The following FGD3 variants were observed in gnomAD, a reference collection of about 807,000 sequenced individuals.
The protein encoded by FGD3 is FYVE, RhoGEF and PH domain containing 3, also known as FYVE, RhoGEF and PH domain-containing protein 3.
Under a neutral mutation model 71.8 loss-of-function variants are expected in FGD3, and 45 were observed. The observed-to-expected ratio is 0.63, with a 90% confidence interval of 0.49 to 0.80. The LOEUF (loss-of-function observed/expected upper bound fraction) is 0.80. Among genes scored for constraint, FGD3 ranks in the 30% least tolerant of loss-of-function variants. The pLI is 0.00. For missense variants in FGD3, 844 were observed against 951.5 expected, an observed-to-expected ratio of 0.89 and a Z score of 1.49; for synonymous variants, 378 against 392.8, an observed-to-expected ratio of 0.96 and a Z score of 0.44.
In FGD3 at chr9:92,962,959, A is replaced by AAAG. The variant is rs1554728081; in HGVS notation, c.-217-12276_-217-12274dup. The stretch of plus-strand genomic sequence containing the variant: ...CGTCTCAAAAAAAAAAAAAAAAAGA[A>AAAG]AAGAAAAGATTAAGTTCAGCAATAT... On this transcript the variant is annotated intron_variant, in intron 1 of 17. Coordinates refer to ENST00000375482, the MANE Select transcript of FGD3 (RefSeq NM_001083536.2). Among the ~76,000 whole-genome samples, 3 of 151,642 alleles carry AAAG rather than the reference A, an allele frequency of 2.0e-5. No individual in the cohort carries two copies. The East Asian group carries it at 5.9e-4, about 30-fold the overall frequency.
At chr9:92,963,770 T>G (rs1243127443) in intron 1 of FGD3, among the ~76,000 whole-genome samples, 2 of 152,228 alleles carry the variant, frequency 1.3e-5, no homozygotes, top group African/African-American at 4.8e-5. Context: ...GGGCAGGTGC[T>G]GGGCCTGCTG....
At chr9:93,022,259 TC>T (rs538743969) in intron 13 of FGD3, 67 bp from the exon 14 acceptor site, 13 of 1,491,032 alleles carry the variant, frequency 8.7e-6, no homozygotes, top group Middle Eastern at 1.8e-4. Context: ...TCAGGAACTG[TC>T]CCCCCGCTGC....
intron 1 of FGD3, among the ~76,000 whole-genome samples, chr9:92,951,378 C>T (rs557562134): frequency 3.0e-4 from 46 of 152,230 alleles, no homozygotes; most frequent in African/African-American, 1.1e-3. Context: ...TTGTAACTTC[C>T]TAAAATAAAG....
intron 6 of FGD3, among the ~76,000 whole-genome samples, chr9:93,008,866 G>A (rs570910056): frequency 6.6e-6 from 1 of 151,862 alleles, no homozygotes; most frequent in Non-Finnish European, 1.5e-5. Flanking sequence ...TACTTGGGAG[G>A]CTGAGACAGA....
chr9:92,959,646 A>G (rs933466719), intron 1 of FGD3, among the ~76,000 whole-genome samples: 1 of 149,916 alleles, frequency 6.7e-6, no homozygotes, highest in Non-Finnish European at 1.5e-5. Context: ...GGTCGAGGCT[A>G]CAGTGAGTCA....
At chr9:93,015,080 G>A (rs1356283877) in intron 9 of FGD3, among the ~76,000 whole-genome samples, 4 of 151,816 alleles carry the variant, frequency 2.6e-5, no homozygotes, top group Non-Finnish European at 5.9e-5. Context: ...TCAATGCCAT[G>A]AGATGAGTCT....
At chr9:93,002,294 CAGG>C (rs1456264431) in intron 3 of FGD3, among the ~76,000 whole-genome samples, 1 of 152,122 alleles carries the variant, frequency 6.6e-6, no homozygotes, top group African/African-American at 2.4e-5. Flanking sequence ...ATGTCAAAAA[CAGG>C]AGGAGGCCAG....
intron 1 of FGD3, among the ~76,000 whole-genome samples, chr9:92,955,378 A>C (rs1485396435): frequency 6.6e-6 from 1 of 152,080 alleles, no homozygotes; most frequent in African/African-American, 2.4e-5. Context: ...CTACTAAAAA[A>C]ATACAAAATT....
chr9:93,012,510 C>T (rs1024475032), intron 8 of FGD3, among the ~76,000 whole-genome samples: 4 of 152,142 alleles, frequency 2.6e-5, no homozygotes, highest in Admixed American at 2.0e-4. Context: ...CAAGGCCAGG[C>T]GTGGTGGCTC....
intron 1 of FGD3, among the ~76,000 whole-genome samples, chr9:92,968,839 T>C (rs1049010935): frequency 3.3e-5 from 5 of 152,104 alleles, no homozygotes; most frequent in Admixed American, 1.3e-4. Context: ...TGACCTCAGG[T>C]GGAGGTCTGC....
intron 3 of FGD3, among the ~76,000 whole-genome samples, chr9:92,987,159 G>T (rs115742214): frequency 0.035 from 5,280 of 152,234 alleles, 257 homozygotes; most frequent in African/African-American, 0.11. Context: ...GAGGCTGTGT[G>T]CAGTGGCTCA....
intron 3 of FGD3, among the ~76,000 whole-genome samples, chr9:92,982,138 T>C (rs1325947526): frequency 6.6e-6 from 1 of 152,194 alleles, no homozygotes; most frequent in Non-Finnish European, 1.5e-5. Flanking sequence ...ATCCCTCTCT[T>C]CCTCCTACGC....
At chr9:93,032,669 C>T in intron 15 of FGD3, 100 bp from the exon 16 acceptor site, 1 of 574,858 alleles carries the variant, frequency 1.7e-6, no homozygotes, top group South Asian at 2.0e-5. Flanking sequence ...AAGTCTCCTC[C>T]CGCCCACTCC....
At chr9:93,028,216 A>ACACACC (rs757041805) in intron 14 of FGD3, among the ~76,000 whole-genome samples, 1 of 127,450 alleles carries the variant, frequency 7.8e-6, no homozygotes, top group Admixed American at 7.6e-5. Flanking sequence ...ACACACACAC[A>ACACACC]CGCACACACA....
chr9:93,036,197 A>C lies in FGD3; in HGVS notation c.*608A>C, dbSNP rs910929881. On this transcript the variant is annotated 3_prime_UTR_variant, in exon 18 of 18. Transcript: ENST00000375482. ...GCTGTTCCTGATGCTAGTGGCACAC[A>C]GTGCTTATCTGCATAAATAAACACT... 1 of 152,460 alleles carries C rather than the reference A, an allele frequency of 6.6e-6. No individual in the cohort carries two copies. Among genetic ancestry groups the C allele is most frequent in the Non-Finnish European group, 1.5e-5 (1 of 68,208 alleles). 9.4% of individuals were successfully genotyped at this position (152,460 alleles called of 1,614,324 possible).
chr9:93,015,707 C>T (rs199912263), intron 9 of FGD3, 30 bp from the exon 10 acceptor site: 41 of 1,601,772 alleles, frequency 2.6e-5, no homozygotes, highest in African/African-American at 2.1e-4. Context: ...GGGCAGCTCT[C>T]GTTCCTCACC....
At chr9:92,975,724 C>T (rs999977303) in intron 2 of FGD3, among the ~76,000 whole-genome samples, 1 of 152,112 alleles carries the variant, frequency 6.6e-6, no homozygotes, top group Admixed American at 6.5e-5. Context: ...ATAGTAGAGA[C>T]AGCTGGGACC....
intron 3 of FGD3, among the ~76,000 whole-genome samples, chr9:92,978,508 C>T (rs1859857655): frequency 6.7e-6 from 1 of 148,424 alleles, no homozygotes; most frequent in Non-Finnish European, 1.5e-5. Context: ...ATCACTGACT[C>T]TGTATGGACT....
In FGD3 at chr9:92,969,527, C is replaced by G. The variant is rs928901081; in HGVS notation, c.-217-5711C>G. Among the ~76,000 whole-genome samples, 3 of 152,236 alleles carry G rather than the reference C, an allele frequency of 2.0e-5. No homozygotes were observed. Among genetic ancestry groups the G allele is most frequent in the Non-Finnish European group, 4.4e-5 (3 of 68,036 alleles). ...ACCACTAACGCGTTTGTTGCTCCCC[C>G]TACATAACATGCCATTGTTATGGAG... On this transcript the variant is annotated intron_variant, in intron 1 of 17. Transcript: ENST00000375482. The surrounding 1 kb of genome is among the most constrained non-coding windows in gnomAD (Gnocchi z 4.5).
Sources: allele counts gnomAD v4.1 joint callset (sites outside exome capture counted in the v4.1 genomes callset), GRCh38; gene constraint gnomAD v4.1.1; non-coding constraint Gnocchi (gnomAD v3.1); transcripts MANE v1.5; gene names NCBI Gene and HGNC (gene_info 2026-07-23, HGNC 2026-07-21).